ZNF365: variants seen among roughly 807,000 people sequenced by gnomAD.
ZNF365 encodes the protein zinc finger protein 365, also known as protein ZNF365.
ZNF365 carries 22 observed loss-of-function variants against 35.0 expected under a neutral mutation model. The observed-to-expected ratio is 0.63, with a 90% CI of 0.45 to 0.90. The LOEUF (loss-of-function observed/expected upper bound fraction) is 0.90, where lower values mean the gene tolerates loss of function less well. Ranked by LOEUF, ZNF365 falls within the 40% of genes least tolerant of loss-of-function variation. The pLI is 0.00. For missense variants in ZNF365, 448 were observed against 500.3 expected (o/e 0.90, Z 1.00); for synonymous variants, 188 against 196.2 (o/e 0.96, Z 0.35).
intron 4 of ZNF365, among the ~76,000 whole-genome samples, chr10:62,460,946 G>A (rs1409905519): frequency 6.6e-6 from 1 of 152,086 alleles, no homozygotes; most frequent in Non-Finnish European, 1.5e-5. Context: ...AGAGAAGGAG[G>A]GTCACGCCCC....
At chr10:62,424,852 T>G (rs1166314635) in intron 3 of ZNF365, among the ~76,000 whole-genome samples, 1 of 152,224 alleles carries the variant, frequency 6.6e-6, no homozygotes, top group East Asian at 1.9e-4. Context: ...TTTCTGAAAC[T>G]TATTTCAAGA....
chr10:62,399,244 G>A (rs1017902875), intron 4 of ZNF365, among the ~76,000 whole-genome samples: 3 of 152,144 alleles, frequency 2.0e-5, no homozygotes, highest in Non-Finnish European at 4.4e-5. Flanking sequence ...CCAACTGTCT[G>A]TATTATTCGG....
chr10:62,433,756 A>C (rs1369061513), intron 3 of ZNF365, among the ~76,000 whole-genome samples: 1 of 152,210 alleles, frequency 6.6e-6, no homozygotes, highest in East Asian at 1.9e-4. Flanking sequence ...GTTAAAAAAA[A>C]TGTTTTCACA....
Position 62,400,358 on chromosome 10 carries a change from G to C in ZNF365, c.*569G>C. The C allele has an allele frequency of 1.0e-6, 1 of 986,312 alleles. No homozygotes were observed. The highest frequency in any genetic ancestry group is 1.2e-6 in the Non-Finnish European group (1 of 830,222). The allele number at this position is 986,312 out of a possible 1,614,324, so 61.1% of individuals were successfully genotyped here. On this transcript the variant is annotated 3_prime_UTR_variant, in exon 5 of 5. Coordinates refer to ENST00000395254, the MANE Select transcript of ZNF365 (RefSeq NM_014951.3). ...AATTTCTGGGTTGCTCAAGGGACTC[G>C]TTCAGTCAGACTTCAGTTCTCATTC...
At chr10:62,436,035 G>T (rs112085060) in intron 3 of ZNF365, among the ~76,000 whole-genome samples, 2,469 of 151,810 alleles carry the variant, frequency 0.016, 71 homozygotes, top group African/African-American at 0.056. Context: ...TGGGTATTTG[G>T]TTTTTTTTGT....
chr10:62,408,878 C>T lies in ZNF365; in HGVS notation c.924+20302C>T, dbSNP rs554460555. On this transcript the variant is annotated intron_variant, in intron 3 of 4. Coordinates refer to the ZNF365 transcript ENST00000395255. ...GCAATTGCTTTGCTTTGCTTCTTAG[C>T]GTCCTATGTTTTTATTCCCCAGCAG... is the stretch of plus-strand genomic sequence containing the variant. 7.2e-5 allele frequency among the ~76,000 whole-genome samples: 11 copies of T among 152,192 alleles called. No homozygotes were observed. The South Asian group carries it at 8.3e-4, about 11-fold the overall frequency.
chr10:62,385,599 A>G (rs1048896016), intron 2 of ZNF365, among the ~76,000 whole-genome samples: 2 of 152,178 alleles, frequency 1.3e-5, no homozygotes, highest in African/African-American at 4.8e-5. Context: ...ACAGAGATAA[A>G]TGACAGGAAA....
exon 5 of ZNF365, chr10:62,480,040 C>T (rs1187115720): frequency 2.8e-6 from 4 of 1,419,106 alleles, no homozygotes; most frequent in Non-Finnish European, 3.7e-6. Context: ...ACTTGGGCTA[C>T]TTGGTGACTT....
At chr10:62,472,934 C>G (rs780058450) in intron 4 of ZNF365, among the ~76,000 whole-genome samples, 2 of 152,164 alleles carry the variant, frequency 1.3e-5, no homozygotes, top group African/African-American at 2.4e-5. Context: ...CAGCTGGTTG[C>G]CTAGTGCACT....
chr10:62,421,186 A>G (rs1052795533), intron 3 of ZNF365, among the ~76,000 whole-genome samples: 1 of 152,156 alleles, frequency 6.6e-6, no homozygotes, highest in Admixed American at 6.5e-5. Context: ...TCTTATTGTC[A>G]TCACCAATTT....
In ZNF365 at chr10:62,402,226, G is replaced by A. The variant is rs749571632; in HGVS notation, c.*2437G>A. On this transcript the variant is annotated 3_prime_UTR_variant, in exon 5 of 5. Coordinates refer to ENST00000395254, the MANE Select transcript of ZNF365 (RefSeq NM_014951.3). ...ATGGAGAGTAGATTTAATTTTATTT[G>A]TCTTGTAGGGAAGAAATCTTCCTTT... The A allele has an allele frequency of 3.0e-6, 3 of 985,718 alleles. No homozygotes were observed. The highest frequency in any genetic ancestry group is 5.2e-4 in the Middle Eastern group (1 of 1,936). The allele number at this position is 985,718 out of a possible 1,614,324, so 61.1% of individuals were successfully genotyped here.
Position 62,390,363 on chromosome 10 carries a change from G to T in ZNF365, c.924+1787G>T, listed in dbSNP as rs531870929. Among the ~76,000 whole-genome samples, 6 of 152,282 alleles carry T rather than the reference G, an allele frequency of 3.9e-5. No individual in the cohort carries two copies. The South Asian group carries it at 1.2e-3, about 32-fold the overall frequency. Reference sequence around the variant, plus strand: ...AGCTAAGAAATGTATGAAATCTTCCGATACTCAGCCAAGAGGAATCTCAAA... The same window carrying T: ...AGCTAAGAAATGTATGAAATCTTCCTATACTCAGCCAAGAGGAATCTCAAA... On this transcript the variant is annotated intron_variant, in intron 3 of 4. Transcript: ENST00000395254.
rs771082058 is a variant in ZNF365 at position 62,376,586 on chromosome 10, C to A, written c.393C>A (p.Ala131=). Reference sequence around the variant, plus strand: ...TGTCCTATGTGCAGACCTACACTGCCATGGACCTCCATGCAGACTCGCTGG... The same window carrying A: ...TGTCCTATGTGCAGACCTACACTGCAATGGACCTCCATGCAGACTCGCTGG... ...RPVSYVQTYT[A]MDLHADSLDG... is the part of the protein sequence containing the mutation. Residue 131 remains alanine (A), a synonymous_variant, in exon 2 of 5, where the codon GCC becomes GCA. Transcript: ENST00000395254. 4 of 1,614,112 alleles carry A rather than the reference C, an allele frequency of 2.5e-6. No homozygotes were observed. Among genetic ancestry groups the A allele is most frequent in the Non-Finnish European group, 3.4e-6 (4 of 1,180,034 alleles).
chr10:62,403,483 C>A (rs1839862033), downstream of ZNF365, among the ~76,000 whole-genome samples: 2 of 152,126 alleles, frequency 1.3e-5, no homozygotes, highest in African/African-American at 4.8e-5. Flanking sequence ...ATGGTGAAAC[C>A]CCGTCTCTAC....
At chr10:62,460,401 T>G (rs544579783) in intron 4 of ZNF365, among the ~76,000 whole-genome samples, 1 of 152,350 alleles carries the variant, frequency 6.6e-6, no homozygotes, top group Non-Finnish European at 1.5e-5. Flanking sequence ...TGATAAAGTT[T>G]AGTTTATAAA....
downstream of ZNF365, among the ~76,000 whole-genome samples, chr10:62,403,386 C>T (rs187500387): frequency 1.1e-4 from 17 of 152,290 alleles, no homozygotes; most frequent in Admixed American, 9.2e-4. Flanking sequence ...CCGCCGGGTG[C>T]GGTGGCTCAC....
At chr10:62,445,136 T>C (rs1840565440) in intron 3 of ZNF365, among the ~76,000 whole-genome samples, 1 of 151,308 alleles carries the variant, frequency 6.6e-6, no homozygotes, top group Non-Finnish European at 1.5e-5. Flanking sequence ...TAGTATTCCA[T>C]GGTGTATATG....
chr10:62,410,540 C>A (rs1839970180), intron 3 of ZNF365, among the ~76,000 whole-genome samples: 1 of 152,054 alleles, frequency 6.6e-6, no homozygotes. Flanking sequence ...CCATAGGCAC[C>A]TGTGTGTGTA....
chr10:62,375,847 CT>C, intron 1 of ZNF365: 1 of 226,524 alleles, frequency 4.4e-6, no homozygotes, highest in Non-Finnish European at 8.7e-6. Flanking sequence ...TGTTACCCAC[CT>C]TTTTGATTCT....
Sources: allele counts gnomAD v4.1 joint callset (sites outside exome capture counted in the v4.1 genomes callset), GRCh38; gene constraint gnomAD v4.1.1; transcripts MANE v1.5; gene names NCBI Gene and HGNC (gene_info 2026-07-23, HGNC 2026-07-21).